The following TRPC1 variants were observed in gnomAD, a reference collection of about 807,000 sequenced individuals.
The protein encoded by TRPC1 is short transient receptor potential channel 1.
Under a neutral mutation model 88.2 loss-of-function variants are expected in TRPC1, and 42 were observed. The ratio of observed to expected loss-of-function variants is 0.48; its 90% CI spans 0.37 to 0.62. The LOEUF (loss-of-function observed/expected upper bound fraction) is 0.62, where lower values mean the gene tolerates loss of function less well. Among genes scored for constraint, TRPC1 ranks in the 20% least tolerant of loss-of-function variants. The pLI, the probability that TRPC1 is intolerant of heterozygous loss-of-function variation, is 0.00. For synonymous variants in TRPC1, 288 were observed against 331.8 expected, an observed-to-expected ratio of 0.87 and a Z score of 1.43; for missense variants, 699 against 957.3, an observed-to-expected ratio of 0.73 and a Z score of 3.56.
intron 4 of TRPC1, among the ~76,000 whole-genome samples, chr3:142,770,499 T>G (rs113317985): frequency 2.1e-4 from 32 of 152,334 alleles, no homozygotes; most frequent in African/African-American, 7.5e-4. Context: ...CCACTAAAAT[T>G]TTCCTGTTGT....
rs1400437220 is a variant in TRPC1 at position 142,777,737 on chromosome 3, A to G, written c.738A>G (p.Glu246=). 4 of 1,612,008 alleles carry G rather than the reference A, an allele frequency of 2.5e-6. No individual in the cohort carries two copies. Among genetic ancestry groups the G allele is most frequent in the Admixed American group, 1.7e-5 (1 of 59,928 alleles). ...RAFELSADLK[E]LSLVEVEFRN... Reference sequence around the variant, plus strand: ...TTGAACTTAGTGCTGATTTAAAAGAACTAAGTCTTGTGGAGGTGGAATTCA... The same window carrying G: ...TTGAACTTAGTGCTGATTTAAAAGAGCTAAGTCTTGTGGAGGTGGAATTCA... The change falls in exon 5 of 13, where the codon GAA becomes GAG. Residue 246 remains glutamate (E), a synonymous_variant. Coordinates refer to ENST00000476941, the MANE Select transcript of TRPC1 (RefSeq NM_001251845.2).
intron 10 of TRPC1, among the ~76,000 whole-genome samples, chr3:142,803,599 G>T (rs1350450770): frequency 1.3e-5 from 2 of 151,698 alleles, no homozygotes; most frequent in Non-Finnish European, 2.9e-5. Context: ...AAGTCAGAAG[G>T]GTAATGGGGA....
chr3:142,739,649 G>A (rs1025645525), intron 2 of TRPC1, among the ~76,000 whole-genome samples: 3 of 152,086 alleles, frequency 2.0e-5, no homozygotes, highest in Non-Finnish European at 4.4e-5. Flanking sequence ...ATAGTTAGGG[G>A]ATATCATTAC....
At chr3:142,741,684 T>C (rs1934355219) in intron 2 of TRPC1, among the ~76,000 whole-genome samples, 1 of 152,228 alleles carries the variant, frequency 6.6e-6, no homozygotes, top group South Asian at 2.1e-4. Context: ...TCATCATTTA[T>C]GGACAATTCT....
Position 142,780,594 on chromosome 3 carries a change from C to T in TRPC1, c.765-240C>T, listed in dbSNP as rs191052807. Reference sequence around the variant, plus strand: ...TAACATCAGTATATATAAATGAACACTGTGCTCATCTAAGATTATTAGTAT... The same window carrying T: ...TAACATCAGTATATATAAATGAACATTGTGCTCATCTAAGATTATTAGTAT... On this transcript the variant is annotated intron_variant, in intron 5 of 12. Transcript: ENST00000476941. Among the ~76,000 whole-genome samples, 4 of 152,274 alleles carry T rather than the reference C, an allele frequency of 2.6e-5. No homozygotes were observed. The East Asian group carries it at 5.8e-4, about 22-fold the overall frequency.
chr3:142,760,161 A>T (rs890544350), intron 4 of TRPC1, among the ~76,000 whole-genome samples: 3 of 152,158 alleles, frequency 2.0e-5, no homozygotes, highest in Non-Finnish European at 2.9e-5. Flanking sequence ...CACAAAAAAA[A>T]ATTGGCCCAG....
chr3:142,744,259 T>A (rs1237374934), intron 3 of TRPC1, among the ~76,000 whole-genome samples: 9 of 151,942 alleles, frequency 5.9e-5, no homozygotes, highest in East Asian at 1.9e-4. Flanking sequence ...GTTGAAAATT[T>A]AAAAAAAATC....
intron 1 of TRPC1, among the ~76,000 whole-genome samples, chr3:142,734,921 G>C (rs1312878384): frequency 6.6e-6 from 1 of 152,196 alleles, no homozygotes; most frequent in Non-Finnish European, 1.5e-5. Flanking sequence ...TGTTGAAATA[G>C]AGTCACCTGA....
intron 5 of TRPC1, among the ~76,000 whole-genome samples, chr3:142,779,904 G>T: frequency 6.9e-6 from 1 of 144,324 alleles, no homozygotes; most frequent in South Asian, 2.2e-4. Flanking sequence ...CTGGAGGGCA[G>T]TGGCACCATT....
chr3:142,784,804 T>G lies in TRPC1; in HGVS notation c.1061T>G (p.Val354Gly). Residue 354 changes from valine (V) to glycine (G), a missense_variant, in exon 7 of 13, where the codon GTT (valine) becomes GGT (glycine). Around this residue, in one of 4 missense-constraint regions of TRPC1, gnomAD observed 426 missense variants for 641.3 expected, o/e 0.66. Coordinates refer to ENST00000476941, the MANE Select transcript of TRPC1 (RefSeq NM_001251845.2). Reference protein sequence around the residue: ...RKPTCKKIMTVLTVGIFWPVL... With the variant: ...RKPTCKKIMTGLTVGIFWPVL... ...CCCACCTGTAAGAAGATAATGACTGTTTTGACAGTAGGCATCTTTTGGCCA... is the reference window on the plus strand; with the variant it reads ...CCCACCTGTAAGAAGATAATGACTGGTTTGACAGTAGGCATCTTTTGGCCA... 6.2e-7 allele frequency: 1 copy of G among 1,614,198 alleles called. No homozygotes were observed. The highest frequency in any genetic ancestry group is 8.5e-7 in the Non-Finnish European group (1 of 1,180,018).
rs762745721 is a variant in TRPC1 at position 142,724,754 on chromosome 3, C to G, written c.172+23C>G. 1 of 1,541,002 alleles carries G rather than the reference C, an allele frequency of 6.5e-7. No homozygotes were observed. Among genetic ancestry groups the G allele is most frequent in the Admixed American group, 1.8e-5 (1 of 55,018 alleles). On this transcript the variant is annotated intron_variant, in intron 1 of 12. Transcript: ENST00000476941. This position sits in a 1 kb window ranked among gnomAD's most constrained non-coding sequence, Gnocchi z 5.6. ...AGGGTGAGAGTTAGGCCCCTTTCTCCTCTGGACGCCCCTGTCCTCCAGACC... is the reference window on the plus strand; with the variant it reads ...AGGGTGAGAGTTAGGCCCCTTTCTCGTCTGGACGCCCCTGTCCTCCAGACC...
intron 12 of TRPC1, 102 bp downstream of exon 12, chr3:142,804,732 C>G: frequency 7.0e-6 from 8 of 1,139,154 alleles, no homozygotes; most frequent in Non-Finnish European, 9.8e-6. Context: ...AGGGCTGTGA[C>G]TGTCTGACTT....
intron 2 of TRPC1, among the ~76,000 whole-genome samples, chr3:142,740,728 T>C (rs76587004): frequency 0.025 from 3,737 of 152,274 alleles, 69 homozygotes; most frequent in East Asian, 0.065. Context: ...ACTTGGAAAC[T>C]GGCATCAGTA....
chr3:142,773,832 T>A (rs933118273), intron 4 of TRPC1, among the ~76,000 whole-genome samples: 14 of 150,938 alleles, frequency 9.3e-5, no homozygotes, highest in African/African-American at 2.9e-4. Context: ...AAACCTCTAA[T>A]GTTGCTCCTC....
chr3:142,804,844 C>T (rs1465580849), intron 12 of TRPC1, among the ~76,000 whole-genome samples: 1 of 152,066 alleles, frequency 6.6e-6, no homozygotes, highest in Non-Finnish European at 1.5e-5. Flanking sequence ...CGGTGGCTCA[C>T]GCTTGTAATC....
rs1261308776 is a variant in TRPC1, at chr3:142,767,581, A to C, written c.633-10051A>C. Among the ~76,000 whole-genome samples, 1 of 148,038 alleles carries C rather than the reference A, an allele frequency of 6.8e-6. No homozygotes were observed. Among genetic ancestry groups the C allele is most frequent in the African/African-American group, 2.4e-5 (1 of 40,856 alleles). On this transcript the variant is annotated intron_variant, in intron 4 of 12. Coordinates refer to ENST00000476941, the MANE Select transcript of TRPC1 (RefSeq NM_001251845.2). The surrounding 1 kb of genome is among the most constrained non-coding windows in gnomAD (Gnocchi z 5.1). ...CTTTGTTAAGATATCTTTATATATA[A>C]ATATATTATATATAAATAAATTATA... is the stretch of plus-strand genomic sequence containing the variant.
chr3:142,792,831 AT>A lies in TRPC1; in HGVS notation c.1449del (p.Phe483LeufsTer26). On this transcript the variant is annotated frameshift_variant, in exon 9 of 13. Transcript: ENST00000476941. LOFTEE classifies it high-confidence loss of function. The surrounding 1 kb of genome is among the most constrained non-coding windows in gnomAD (Gnocchi z 4.0). The stretch of plus-strand genomic sequence containing the variant: ...TTTTCTTCCTAACCTTAGTTTCATG[AT>A]TTTGCTGATCGGAAGGATTGGGATG... ...LKVVAHNKFHDFADRKDWDAF... is the reference protein window; with the variant it reads ...LKVVAHNKFHXFADRKDWDAF... The A allele has an allele frequency of 1.9e-6, 3 of 1,582,300 alleles. No homozygotes were observed. Among genetic ancestry groups the A allele is most frequent in the Admixed American group, 1.8e-5 (1 of 54,762 alleles).
rs762393124 is a variant in TRPC1, at chr3:142,806,880, TG to T, written c.*646del. 26 of 152,048 alleles carry T rather than the reference TG, an allele frequency of 1.7e-4. No individual in the cohort carries two copies. The highest frequency in any genetic ancestry group is 3.1e-4 in the Non-Finnish European group (21 of 67,968). 9.4% of individuals were successfully genotyped at this position (152,048 alleles called of 1,614,324 possible). ...GGTTATAATCACTTTATATTTTTAA[TG>T]TTTTTTTCACTTAATATTTTATATA... On this transcript the variant is annotated 3_prime_UTR_variant, in exon 13 of 13. Transcript: ENST00000476941.
chr3:142,803,712 A>T (rs189723441), intron 10 of TRPC1, among the ~76,000 whole-genome samples: 102 of 152,184 alleles, frequency 6.7e-4, no homozygotes, highest in African/African-American at 2.4e-3. Flanking sequence ...TTAGATGTTA[A>T]CAAATCATAT....
Sources: allele counts gnomAD v4.1 joint callset (sites outside exome capture counted in the v4.1 genomes callset), GRCh38; gene constraint gnomAD v4.1.1; regional missense constraint gnomAD v4.1.1; non-coding constraint Gnocchi (gnomAD v3.1); transcripts MANE v1.5; gene names NCBI Gene and HGNC (gene_info 2026-07-23, HGNC 2026-07-21).